RFX2: variants seen among roughly 807,000 people sequenced by gnomAD.
RFX2 encodes regulatory factor X2.
Under a neutral mutation model 87.8 loss-of-function variants are expected in RFX2, and 20 were observed. The observed-to-expected ratio is 0.23, with a 90% CI of 0.16 to 0.33. The LOEUF (loss-of-function observed/expected upper bound fraction) is 0.33. RFX2 is among the 10% of genes least tolerant of loss of function. The probability of loss-of-function intolerance (pLI) is 1.00; values close to 1 mark genes in which losing one functional copy is unlikely to be tolerated. For synonymous variants in RFX2, 397 were observed against 431.3 expected, an observed-to-expected ratio of 0.92 and a Z score of 0.98; for missense variants, 767 against 1,012.3, an observed-to-expected ratio of 0.76 and a Z score of 3.29.
intron 1 of RFX2, among the ~76,000 whole-genome samples, chr19:6,065,369 G>A (rs1369468714): frequency 2.0e-5 from 3 of 152,268 alleles, no homozygotes; most frequent in East Asian, 1.9e-4. Flanking sequence ...AAAAAAGGCC[G>A]GGCACGGTGG....
rs777356948 is a variant in RFX2 at position 5,997,414 on chromosome 19, C to T, written c.1860-201G>A. 9.1e-5 allele frequency: 53 copies of T among 582,286 alleles called. No individual in the cohort carries two copies. The highest frequency in any genetic ancestry group is 1.4e-4 in the Non-Finnish European group (48 of 338,962). 36.1% of individuals were successfully genotyped at this position (582,286 alleles called of 1,614,324 possible). On this transcript the variant is annotated intron_variant, in intron 15 of 17. Coordinates refer to ENST00000303657, the MANE Select transcript of RFX2 (RefSeq NM_000635.4). This position sits in a 1 kb window ranked among gnomAD's most constrained non-coding sequence, Gnocchi z 4.2. ...GGCCCACGTGACGGACAGGTGGGGC[C>T]GGCCTGCGCGCTCAGTTCCAGAGAC... is the stretch of plus-strand genomic sequence containing the variant.
At chr19:6,088,392 G>A (rs749301007) in intron 1 of RFX2, among the ~76,000 whole-genome samples, 1 of 151,836 alleles carries the variant, frequency 6.6e-6, no homozygotes, top group East Asian at 1.9e-4. Flanking sequence ...TGTATTTTTA[G>A]TAGAGATGGG....
chr19:6,031,537 C>G (rs1375405819), intron 5 of RFX2, among the ~76,000 whole-genome samples: 1 of 133,776 alleles, frequency 7.5e-6, no homozygotes, highest in East Asian at 2.5e-4. Flanking sequence ...TCAAGCAATT[C>G]TCCTGCCTCA....
At chr19:6,076,171 C>G (rs567349779) in intron 1 of RFX2, among the ~76,000 whole-genome samples, 3 of 152,152 alleles carry the variant, frequency 2.0e-5, no homozygotes, top group Non-Finnish European at 4.4e-5. Flanking sequence ...GAAACCCCAT[C>G]TCTACTAAAA....
chr19:6,072,506 C>T (rs879826972), intron 1 of RFX2, among the ~76,000 whole-genome samples: 2 of 152,048 alleles, frequency 1.3e-5, no homozygotes, highest in Admixed American at 6.6e-5. Flanking sequence ...AGTTTGAGAA[C>T]AGCCTGGGTA....
rs752472060 is a variant in RFX2 at position 6,004,305 on chromosome 19, G to A, written c.1403-7C>T. 6.2e-7 allele frequency: 1 copy of A among 1,610,406 alleles called. No homozygotes were observed. Among genetic ancestry groups the A allele is most frequent in the Admixed American group, 1.7e-5 (1 of 60,012 alleles). Reference sequence around the variant, plus strand: ...ATGGCCTGTGTCAAGGTACCTGGGGGATACAGACCATGATATTACCAGGGA... The same window carrying A: ...ATGGCCTGTGTCAAGGTACCTGGGGAATACAGACCATGATATTACCAGGGA... On this transcript the variant is annotated splice_region_variant and splice_polypyrimidine_tract_variant and intron_variant, in intron 12 of 17. Coordinates refer to ENST00000303657, the MANE Select transcript of RFX2 (RefSeq NM_000635.4). This position sits in a 1 kb window ranked among gnomAD's most constrained non-coding sequence, Gnocchi z 4.8.
At chr19:6,051,223 G>A (rs879796595) in intron 1 of RFX2, among the ~76,000 whole-genome samples, 1 of 151,644 alleles carries the variant, frequency 6.6e-6, no homozygotes, top group Admixed American at 6.6e-5. Context: ...TGATAAATAC[G>A]CAGGTAATTA....
chr19:6,019,436 G>C (rs2086775818), intron 6 of RFX2, among the ~76,000 whole-genome samples: 1 of 151,724 alleles, frequency 6.6e-6, no homozygotes, highest in Non-Finnish European at 1.5e-5. Context: ...GAGCTTAAGA[G>C]CTCCGGAGTC....
rs542776790 is a variant in RFX2 at position 6,104,523 on chromosome 19, G to A, written c.-9+5870C>T. 3.8e-4 allele frequency among the ~76,000 whole-genome samples: 58 copies of A among 151,128 alleles called. 1 individual carries two copies. The highest frequency in any genetic ancestry group is 5.3e-4 in the Non-Finnish European group (36 of 67,782). On this transcript the variant is annotated intron_variant, in intron 1 of 17. Transcript: ENST00000303657. ...GGTGGAGCTTGCAGTGAGCTGAGAT[G>A]GTGCCACTGCACTCCAGCCTGGGCA...
At chr19:6,072,528 C>A (rs2087621968) in intron 1 of RFX2, among the ~76,000 whole-genome samples, 1 of 151,980 alleles carries the variant, frequency 6.6e-6, no homozygotes, top group Non-Finnish European at 1.5e-5. Context: ...CAAAGCGAGA[C>A]CTCGTCTCTA....
chr19:6,019,665 G>A (rs1390619325), intron 6 of RFX2, among the ~76,000 whole-genome samples: 1 of 150,874 alleles, frequency 6.6e-6, no homozygotes, highest in Admixed American at 6.6e-5. Flanking sequence ...TGCAATCATG[G>A]CTCATGCAGC....
chr19:6,025,147 C>T (rs938331677), intron 6 of RFX2, among the ~76,000 whole-genome samples: 2 of 152,148 alleles, frequency 1.3e-5, no homozygotes, highest in Admixed American at 6.5e-5. Flanking sequence ...TGTGCAAAAC[C>T]GAATCAAGAG....
chr19:6,048,581 C>A (rs935675581), intron 1 of RFX2, among the ~76,000 whole-genome samples: 3 of 152,128 alleles, frequency 2.0e-5, no homozygotes, highest in Admixed American at 6.5e-5. Flanking sequence ...ATGGCTCCTG[C>A]CTGCTGGGGG....
intron 15 of RFX2, among the ~76,000 whole-genome samples, chr19:6,000,647 C>T (rs568059936): frequency 8.5e-5 from 13 of 152,358 alleles, no homozygotes; most frequent in Admixed American, 3.3e-4. Context: ...TCTTGCCTGC[C>T]GCCATGGAAG....
At position 6,044,232 on chromosome 19, in the gene RFX2, C is replaced by A; in HGVS notation, c.141G>T (p.Gln47His). The A allele has an allele frequency of 6.3e-7, 1 of 1,580,188 alleles. No homozygotes were observed. Among genetic ancestry groups the A allele is most frequent in the East Asian group, 2.3e-5 (1 of 43,000 alleles). ...GCTGAACTCTGGGGAGGGAGATCGG[C>A]TGCATCTGGGCCCCTTTGGGATTGG... ...ASSNPKGAQM[Q>H]PISLPRVQQV... is the part of the protein sequence containing the mutation. Residue 47 changes from glutamine to histidine, a missense_variant, in exon 3 of 18, where the codon CAG becomes CAT. Around this residue, in one of 2 missense-constraint regions of RFX2, gnomAD observed 146 missense variants for 139.2 expected, o/e 1.05. Coordinates refer to ENST00000303657, the MANE Select transcript of RFX2 (RefSeq NM_000635.4). The surrounding 1 kb of genome is among the most constrained non-coding windows in gnomAD (Gnocchi z 5.3).
chr19:6,007,185 C>G lies in RFX2; in HGVS notation c.1248-19G>C. 6.2e-7 allele frequency: 1 copy of G among 1,610,452 alleles called. No homozygotes were observed. On this transcript the variant is annotated intron_variant, in intron 11 of 17. Transcript: ENST00000303657. The surrounding 1 kb of genome is among the most constrained non-coding windows in gnomAD (Gnocchi z 8.2). ...TTCGTCACTGTGGAGGGAGGGGGGA[C>G]AGGTGAGCTGTGGCCTGGCCCAGGT...
intron 1 of RFX2, among the ~76,000 whole-genome samples, chr19:6,097,579 T>G (rs1036731254): frequency 6.6e-6 from 1 of 150,570 alleles, no homozygotes; most frequent in African/African-American, 2.5e-5. Flanking sequence ...ATGGCAACCC[T>G]TTATTATTAT....
intron 17 of RFX2, 92 bp from the exon 18 acceptor site, chr19:5,995,042 C>A: frequency 1.0e-6 from 1 of 985,824 alleles, no homozygotes; most frequent in Non-Finnish European, 1.5e-6. Flanking sequence ...CTCCGGCACG[C>A]CAGGCAGGGC....
At chr19:6,029,956 G>T (rs751989321) in intron 5 of RFX2, among the ~76,000 whole-genome samples, 1 of 152,130 alleles carries the variant, frequency 6.6e-6, no homozygotes, top group Non-Finnish European at 1.5e-5. Context: ...AAAGAAAAAA[G>T]AATGAAGAAA....
Sources: allele counts gnomAD v4.1 joint callset (sites outside exome capture counted in the v4.1 genomes callset), GRCh38; gene constraint gnomAD v4.1.1; regional missense constraint gnomAD v4.1.1; non-coding constraint Gnocchi (gnomAD v3.1); transcripts MANE v1.5; gene names NCBI Gene and HGNC (gene_info 2026-07-23, HGNC 2026-07-21).